NRG2: variants seen among roughly 807,000 people sequenced by gnomAD.
The protein encoded by NRG2 is pro-neuregulin-2, membrane-bound isoform.
A neutral mutation model predicts 73.9 loss-of-function variants in NRG2; 27 were observed. The observed-to-expected ratio is 0.37, with a 90% CI of 0.27 to 0.50. The LOEUF is 0.50. Ranked by LOEUF, NRG2 falls within the 20% of genes least tolerant of loss-of-function variation. NRG2 has a pLI of 0.96. For synonymous variants in NRG2, 532 were observed against 541.0 expected (o/e 0.98, Z 0.23); for missense variants, 1,126 against 1,210.1 (o/e 0.93, Z 1.03).
At chr5:140,037,786 TA>T (rs1561770626) in intron 1 of NRG2, among the ~76,000 whole-genome samples, 1 of 151,658 alleles carries the variant, frequency 6.6e-6, no homozygotes, top group East Asian at 1.9e-4. Flanking sequence ...CGGGTGCCTG[TA>T]ATCCCAGCTA....
chr5:139,892,474 G>A (rs947259761), intron 1 of NRG2, among the ~76,000 whole-genome samples: 2 of 152,112 alleles, frequency 1.3e-5, no homozygotes, highest in Non-Finnish European at 2.9e-5. Flanking sequence ...AAGGCTGAGG[G>A]GCTGTTCACA....
intron 1 of NRG2, among the ~76,000 whole-genome samples, chr5:139,888,864 A>G (rs1581871055): frequency 6.6e-6 from 1 of 152,252 alleles, no homozygotes; most frequent in East Asian, 1.9e-4. Flanking sequence ...ATACTCATAA[A>G]TAACACCTCC....
intron 1 of NRG2, among the ~76,000 whole-genome samples, chr5:139,979,872 G>T (rs987415521): frequency 6.6e-6 from 1 of 152,210 alleles, no homozygotes; most frequent in Non-Finnish European, 1.5e-5. Flanking sequence ...CAGAAACTGT[G>T]AGATAACAAA....
chr5:139,923,190 C>T (rs754605730), intron 1 of NRG2, among the ~76,000 whole-genome samples: 3 of 151,950 alleles, frequency 2.0e-5, no homozygotes, highest in Admixed American at 6.6e-5. Context: ...TTTGATTGTG[C>T]GTGTGTGGGA....
intron 4 of NRG2, among the ~76,000 whole-genome samples, chr5:139,866,141 T>G (rs1449845650): frequency 6.6e-6 from 1 of 152,160 alleles, no homozygotes. Context: ...GGAATGCTGT[T>G]CCCAGACTGT....
intron 1 of NRG2, among the ~76,000 whole-genome samples, chr5:139,999,207 A>C (rs1397989329): frequency 6.6e-6 from 1 of 151,766 alleles, no homozygotes; most frequent in Admixed American, 6.5e-5. Context: ...AATACACCCT[A>C]ATAACAGTTT....
intron 1 of NRG2, among the ~76,000 whole-genome samples, chr5:139,888,657 T>C (rs1003214472): frequency 6.6e-6 from 1 of 152,094 alleles, no homozygotes; most frequent in Non-Finnish European, 1.5e-5. Flanking sequence ...TCATTGAACT[T>C]CACCCTGAGC....
rs561883912 is a variant in NRG2 at position 139,860,043 on chromosome 5, G to A, written c.1190-4265C>T. 15 of 902,554 alleles carry A rather than the reference G, an allele frequency of 1.7e-5. No homozygotes were observed. In the South Asian group the frequency reaches 1.7e-4, roughly 10 times the overall value. The allele number at this position is 902,554 out of a possible 1,614,324, so 55.9% of individuals were successfully genotyped here. A position where few individuals can be genotyped will look rare whatever the true frequency, so the allele number is the denominator to read the frequency against. ...CTCAGACACCGGGCAGCCATCCTGCGAGGTGAAAGCAGGTTAGTAGTGTCC... is the reference window on the plus strand; with the variant it reads ...CTCAGACACCGGGCAGCCATCCTGCAAGGTGAAAGCAGGTTAGTAGTGTCC... On this transcript the variant is annotated intron_variant, in intron 5 of 9. Coordinates refer to ENST00000361474, the MANE Select transcript of NRG2 (RefSeq NM_004883.3).
chr5:139,898,092 C>T (rs1764658573), intron 1 of NRG2, among the ~76,000 whole-genome samples: 1 of 152,252 alleles, frequency 6.6e-6, no homozygotes, highest in African/African-American at 2.4e-5. Flanking sequence ...TTGATGTGGC[C>T]TTCGCCCTGG....
intron 1 of NRG2, among the ~76,000 whole-genome samples, chr5:139,962,834 G>T (rs536150728): frequency 1.3e-5 from 2 of 152,186 alleles, no homozygotes; most frequent in South Asian, 4.1e-4. Flanking sequence ...TCAAGAGGTT[G>T]CCTACTCTGC....
chr5:140,042,987 C>T lies in NRG2; in HGVS notation c.83G>A (p.Ser28Asn). 1 of 1,558,090 alleles carries T rather than the reference C, an allele frequency of 6.4e-7. No individual in the cohort carries two copies. Among genetic ancestry groups the T allele is most frequent in the Non-Finnish European group, 8.7e-7 (1 of 1,155,790 alleles). The change falls in exon 1 of 10, where the codon AGC becomes AAC. Residue 28 changes from serine (S) to asparagine (N), a missense_variant. Physicochemically the swap from Ser to Asn is conservative, Grantham distance 46. Coordinates refer to ENST00000361474, the MANE Select transcript of NRG2 (RefSeq NM_004883.3). Reference protein sequence around the residue: ...RCSSYSDSSSSSSERSSSSSS... With the variant: ...RCSSYSDSSSNSSERSSSSSS... ...GCTGCTGCTGCTCCTCTCGCTGCTG[C>T]TGCTGCTGCTGTCGCTGTAGCTGCT...
chr5:140,024,720 C>A (rs1240769049), intron 1 of NRG2, among the ~76,000 whole-genome samples: 1 of 152,158 alleles, frequency 6.6e-6, no homozygotes, highest in Non-Finnish European at 1.5e-5. Context: ...TAACCCCTCC[C>A]ATCCAATTAT....
chr5:139,871,729 G>T lies in NRG2; in HGVS notation c.1104C>A (p.Leu368=). Residue 368 remains leucine (L), a synonymous_variant, in exon 4 of 10, where the codon CTC becomes CTA. Transcript: ENST00000361474. ...CCCTACTGGTCACTTACTTGCAGGAGAGCTGGTTGATGCCCTCGATGTAGT... is the reference window on the plus strand; with the variant it reads ...CCCTACTGGTCACTTACTTGCAGGATAGCTGGTTGATGCCCTCGATGTAGT... ...VCYYIEGINQ[L]SCKCPNGFFG... The T allele has an allele frequency of 6.2e-7, 1 of 1,614,054 alleles. No individual in the cohort carries two copies. Among genetic ancestry groups the T allele is most frequent in the Non-Finnish European group, 8.5e-7 (1 of 1,179,974 alleles).
rs117970778 is a variant in NRG2, at chr5:139,922,982, T to C, written c.701-35471A>G. Among the ~76,000 whole-genome samples, 314 of 152,268 alleles carry C rather than the reference T, an allele frequency of 2.1e-3. 4 individuals carry two copies. Among genetic ancestry groups the C allele is most frequent in the East Asian group, 0.02 (105 of 5,188 alleles). ...GAATGAAGAGGTGAAGCACAGCGGA[T>C]TTTTAGGGCAGTGAAAAATACTCTG... is the stretch of plus-strand genomic sequence containing the variant. On this transcript the variant is annotated intron_variant, in intron 1 of 9. Transcript: ENST00000361474.
intron 1 of NRG2, among the ~76,000 whole-genome samples, chr5:140,016,938 C>T (rs1339597427): frequency 6.6e-6 from 1 of 152,088 alleles, no homozygotes; most frequent in Non-Finnish European, 1.5e-5. Flanking sequence ...TTGGAGGCCA[C>T]GTGAGGGTTT....
chr5:140,018,066 C>A (rs1759936655), intron 1 of NRG2, among the ~76,000 whole-genome samples: 1 of 151,852 alleles, frequency 6.6e-6, no homozygotes, highest in Non-Finnish European at 1.5e-5. Context: ...TCCAATTTTC[C>A]CAAGAAAAAC....
intron 1 of NRG2, among the ~76,000 whole-genome samples, chr5:140,006,373 G>C (rs887864325): frequency 6.6e-5 from 10 of 152,168 alleles, no homozygotes; most frequent in African/African-American, 2.4e-4. Context: ...AACCATTCTG[G>C]AGGGCAACTT....
chr5:140,020,451 T>C (rs1760130013), intron 1 of NRG2, among the ~76,000 whole-genome samples: 1 of 152,132 alleles, frequency 6.6e-6, no homozygotes, highest in African/African-American at 2.4e-5. Context: ...CAGCATAACA[T>C]AAACTGTTAA....
chr5:139,953,490 T>G (rs183523097), intron 1 of NRG2, among the ~76,000 whole-genome samples: 34 of 152,098 alleles, frequency 2.2e-4, no homozygotes, highest in Admixed American at 2.2e-3. Flanking sequence ...TCCAACCCCT[T>G]CCCACCGCTC....
Sources: allele counts gnomAD v4.1 joint callset (sites outside exome capture counted in the v4.1 genomes callset), GRCh38; gene constraint gnomAD v4.1.1; transcripts MANE v1.5; gene names NCBI Gene and HGNC (gene_info 2026-07-23, HGNC 2026-07-21).